The following PTPRB variants were observed in gnomAD, a reference collection of about 807,000 sequenced individuals.
PTPRB encodes protein tyrosine phosphatase receptor type B, also known as receptor-type tyrosine-protein phosphatase beta.
In PTPRB, 97 loss-of-function variants were observed where a neutral mutation model predicts 238.1. The observed-to-expected ratio is 0.41, with a 90% confidence interval of 0.35 to 0.48. The LOEUF is 0.48. Among genes scored for constraint, PTPRB ranks in the 20% least tolerant of loss-of-function variants. The pLI is 0.30. For synonymous variants in PTPRB, 970 were observed against 995.4 expected (o/e 0.97, Z 0.48); for missense variants, 2,292 against 2,681.9 (o/e 0.85, Z 3.21).
chr12:70,571,149 G>A lies in PTPRB; in HGVS notation c.3247C>T (p.His1083Tyr). Residue 1083 changes from histidine (H) to tyrosine (Y), a missense_variant, in exon 13 of 34, where the codon CAC becomes TAC. Transcript: ENST00000334414. ...TACTCGGTTGCGGTATTTACAAGGT[G>A]AAAAGGAGGAAATACTTTCATGTCA... ...FNDMKVFPPFHLVNTATEYRF... is the reference protein window; with the variant it reads ...FNDMKVFPPFYLVNTATEYRF... The A allele has an allele frequency of 1.2e-6, 2 of 1,614,008 alleles. No individual in the cohort carries two copies. The highest frequency in any genetic ancestry group is 1.7e-6 in the Non-Finnish European group (2 of 1,179,892).
chr12:70,563,156 A>C (rs749806383), intron 15 of PTPRB, 49 bp from the exon 16 acceptor site: 1 of 1,520,722 alleles, frequency 6.6e-7, no homozygotes, highest in Non-Finnish European at 9.0e-7. Context: ...TGCAGTGAGG[A>C]GAAGGGAGCA....
In PTPRB at chr12:70,540,823, G is replaced by A. The variant is rs371346096; in HGVS notation, c.5594+35C>T. On this transcript the variant is annotated intron_variant, in intron 23 of 33. Transcript: ENST00000334414. ...AATTTTCAGTTGCATTTTTAAAGTT[G>A]TGGGTCCAATCACCAAAAGGATCTT... The A allele has an allele frequency of 3.9e-4, 576 of 1,476,360 alleles. 14 individuals carry two copies. In the South Asian group the frequency reaches 6.7e-3, roughly 17 times the overall value. 91.5% of individuals were successfully genotyped at this position (1,476,360 alleles called of 1,614,324 possible).
intron 25 of PTPRB, 23 bp from the exon 26 acceptor site, chr12:70,539,729 CAGAAA>C (rs773912099): frequency 6.9e-6 from 11 of 1,600,054 alleles, no homozygotes; most frequent in African/African-American, 6.7e-5. Context: ...ATGAAACAAA[CAGAAA>C]AGAGTTACTG....
At chr12:70,635,388 A>C (rs1019168882) in intron 2 of PTPRB, among the ~76,000 whole-genome samples, 2 of 152,190 alleles carry the variant, frequency 1.3e-5, no homozygotes, top group Non-Finnish European at 2.9e-5. Flanking sequence ...CAGAGAAGAG[A>C]GGCTCATGAA....
chr12:70,626,549 T>A (rs969931438), intron 2 of PTPRB, among the ~76,000 whole-genome samples: 4 of 152,050 alleles, frequency 2.6e-5, no homozygotes, highest in African/African-American at 9.7e-5. Flanking sequence ...AGACATTTTT[T>A]CCTTGTCATT....
intron 8 of PTPRB, among the ~76,000 whole-genome samples, chr12:70,588,279 G>C (rs1049669442): frequency 6.6e-6 from 1 of 152,130 alleles, no homozygotes; most frequent in Non-Finnish European, 1.5e-5. Flanking sequence ...GAAATAATTT[G>C]ATTATTTACA....
chr12:70,547,993 CTCTTT>C (rs2136283465), intron 21 of PTPRB, among the ~76,000 whole-genome samples: 1 of 152,232 alleles, frequency 6.6e-6, no homozygotes, highest in Non-Finnish European at 1.5e-5. Flanking sequence ...TAGTGCAGAT[CTCTTT>C]TCTTATTTCC....
intron 32 of PTPRB, among the ~76,000 whole-genome samples, chr12:70,528,058 G>A (rs1872665649): frequency 6.6e-6 from 1 of 152,190 alleles, no homozygotes; most frequent in Admixed American, 6.5e-5. Context: ...GGCAAAAACC[G>A]TGACTACTTT....
rs369239373 is a variant in PTPRB at position 70,587,199 on chromosome 12, T to C, written c.2119A>G (p.Thr707Ala). 10 of 1,613,590 alleles carry C rather than the reference T, an allele frequency of 6.2e-6. No individual in the cohort carries two copies. Among genetic ancestry groups the C allele is most frequent in the African/African-American group, 1.3e-5 (1 of 74,894 alleles). ...TATTTCTCCCATTCTGCTACAGGGGTCTGCCACATGATACTCAGTGAGGTT... is the reference window on the plus strand; with the variant it reads ...TATTTCTCCCATTCTGCTACAGGGGCCTGCCACATGATACTCAGTGAGGTT... ...NETSLSIMWQ[T>A]PVAEWEKYII... Residue 707 changes from threonine (T) to alanine (A), a missense_variant, in exon 9 of 34, where the codon ACC becomes GCC. Physicochemically the swap from Thr to Ala is moderately conservative, Grantham distance 58. This residue lies in a region of PTPRB where 1,205 missense variants were observed against 1,287.8 expected (regional missense o/e 0.94). Coordinates refer to ENST00000334414, the MANE Select transcript of PTPRB (RefSeq NM_001109754.4).
At position 70,560,767 on chromosome 12, in the gene PTPRB, G is replaced by A. The variant is rs61754227; in HGVS notation, c.4336C>T (p.Arg1446Trp). 25,172 of 1,613,854 alleles carry A rather than the reference G, an allele frequency of 0.016. 257 individuals are homozygous for A. The highest frequency in any genetic ancestry group is 0.049 in the Middle Eastern group (296 of 6,062). The part of the protein sequence containing the change: ...NWKDKDLTEW[R>W]FQGLVPGRKY... ...CTTCCAGGAACAAGGCCTTGAAACC[G>A]CCACTCCGTCAGGTCCTTGTCTTTC... The change falls in exon 17 of 34, where the codon CGG becomes TGG. Residue 1446 changes from arginine to tryptophan, a missense_variant. Around this residue, in one of 4 missense-constraint regions of PTPRB, gnomAD observed 683 missense variants for 862.0 expected, o/e 0.79. Coordinates refer to ENST00000334414, the MANE Select transcript of PTPRB (RefSeq NM_001109754.4). The surrounding 1 kb of genome is among the most constrained non-coding windows in gnomAD (Gnocchi z 4.2).
chr12:70,566,823 G>C, intron 14 of PTPRB, 119 bp from the exon 15 acceptor site: 1 of 1,096,934 alleles, frequency 9.1e-7, no homozygotes, highest in East Asian at 2.4e-5. Context: ...CTTTATTTGT[G>C]TGTCATTGAC....
intron 9 of PTPRB, among the ~76,000 whole-genome samples, chr12:70,584,467 T>C (rs1021818407): frequency 6.6e-6 from 1 of 152,228 alleles, no homozygotes; most frequent in East Asian, 1.9e-4. Flanking sequence ...TTGATCATTA[T>C]TGTGAAACAA....
rs752392110 is a variant in PTPRB, at chr12:70,581,456, T to C, written c.2312-154A>G. ...TCTCAGTTCTATTTCCTGTGGCATA[T>C]GGAGAACTACTCCTCTAGAGAGGCT... On this transcript the variant is annotated intron_variant, in intron 9 of 33. Transcript: ENST00000334414. Among the ~76,000 whole-genome samples, 33 of 152,352 alleles carry C rather than the reference T, an allele frequency of 2.2e-4. 1 individual carries two copies. The Middle Eastern group carries it at 0.01, about 47-fold the overall frequency.
chr12:70,573,119 A>G (rs1880280460), intron 11 of PTPRB, among the ~76,000 whole-genome samples: 4 of 152,214 alleles, frequency 2.6e-5, no homozygotes. Flanking sequence ...AATACAAAAT[A>G]TGGATGAATC....
At position 70,566,544 on chromosome 12, in the gene PTPRB, A is replaced by G. The variant is rs747813511; in HGVS notation, c.3795T>C (p.Thr1265=). 6.2e-7 allele frequency: 1 copy of G among 1,613,996 alleles called. No homozygotes were observed. Among genetic ancestry groups the G allele is most frequent in the East Asian group, 2.2e-5 (1 of 44,876 alleles). The change falls in exon 15 of 34, where the codon ACT becomes ACC. Residue 1265 remains threonine (T), a synonymous_variant. Transcript: ENST00000334414. The part of the protein sequence containing the change: ...LLRNTSEPAT[T]KQHKFEDLTP... ...TTAGATCTTCAAATTTGTGTTGCTT[A>G]GTGGTGGCTGGCTCTGATGTGTTGC...
At chr12:70,522,863 C>CTTTTTTTTTTTTTTTT (rs35913444) in intron 33 of PTPRB, among the ~76,000 whole-genome samples, 3 of 118,238 alleles carry the variant, frequency 2.5e-5, no homozygotes, top group Non-Finnish European at 3.3e-5. Flanking sequence ...TTTGTTTTTT[C>CTTTTTTTTTTTTTTTT]TTTTTTTTTT....
At chr12:70,541,752 A>T (rs1177139838) in intron 22 of PTPRB, 1 of 152,156 alleles carries the variant, frequency 6.6e-6, no homozygotes, top group African/African-American at 2.4e-5. Context: ...CATTTAGCAT[A>T]ATGTTTTCAA....
chr12:70,615,050 T>C (rs1035338077), intron 3 of PTPRB, among the ~76,000 whole-genome samples: 4 of 152,146 alleles, frequency 2.6e-5, no homozygotes, highest in African/African-American at 9.7e-5. Context: ...AAATGAGAAG[T>C]TGCATGTCAT....
At chr12:70,626,006 A>C (rs1021943774) in intron 2 of PTPRB, among the ~76,000 whole-genome samples, 1 of 152,140 alleles carries the variant, frequency 6.6e-6, no homozygotes, top group African/African-American at 2.4e-5. Context: ...TTATCTTATA[A>C]ATTCATCTAT....
Sources: allele counts gnomAD v4.1 joint callset (sites outside exome capture counted in the v4.1 genomes callset), GRCh38; gene constraint gnomAD v4.1.1; regional missense constraint gnomAD v4.1.1; non-coding constraint Gnocchi (gnomAD v3.1); transcripts MANE v1.5; gene names NCBI Gene and HGNC (gene_info 2026-07-23, HGNC 2026-07-21).